LHFPL3: variants seen among roughly 807,000 people sequenced by gnomAD.
The protein encoded by LHFPL3 is LHFPL tetraspan subfamily member 3 protein.
Under a neutral mutation model 19.3 loss-of-function variants are expected in LHFPL3, and 5 were observed. That is an observed-to-expected ratio of 0.26 (90% CI 0.14 to 0.54). The LOEUF (loss-of-function observed/expected upper bound fraction) is 0.54. Ranked by LOEUF, LHFPL3 falls within the 20% of genes least tolerant of loss-of-function variation. The probability of loss-of-function intolerance (pLI) is 0.94; values close to 1 mark genes in which losing one functional copy is unlikely to be tolerated. For synonymous variants in LHFPL3, 133 were observed against 126.2 expected, an observed-to-expected ratio of 1.05 and a Z score of -0.36; for missense variants, 249 against 307.4, an observed-to-expected ratio of 0.81 and a Z score of 1.42.
At chr7:104,686,311 T>C (rs372079780) in intron 1 of LHFPL3, among the ~76,000 whole-genome samples, 4 of 151,706 alleles carry the variant, frequency 2.6e-5, no homozygotes, top group East Asian at 1.9e-4. Flanking sequence ...CCATGGGGAG[T>C]ACAGGTGAAA....
intron 1 of LHFPL3, among the ~76,000 whole-genome samples, chr7:104,502,555 G>GA (rs1444932926): frequency 6.6e-6 from 1 of 152,100 alleles, no homozygotes. Context: ...TCCCATTCTC[G>GA]AGCTACATGA....
Position 104,486,713 on chromosome 7 carries a change from G to C in LHFPL3, c.445+157489G>C, listed in dbSNP as rs150599837. ...TTTCTTAAAAAATGAACAAACTTTT[G>C]ATATTATTAGTTCTACTATTTTAAT... On this transcript the variant is annotated intron_variant, in intron 1 of 2. Transcript: ENST00000424859. Among the ~76,000 whole-genome samples the C allele has an allele frequency of 1.7e-3, 257 of 152,198 alleles. 2 individuals carry two copies. In the East Asian group the frequency reaches 0.028, roughly 17 times the overall value.
chr7:104,707,600 C>T (rs1793215871), intron 1 of LHFPL3, among the ~76,000 whole-genome samples: 1 of 152,172 alleles, frequency 6.6e-6, no homozygotes, highest in Admixed American at 6.5e-5. Context: ...TATTCTCTCC[C>T]TCTGACACGT....
At chr7:104,673,182 C>A (rs2116051304) in intron 1 of LHFPL3, among the ~76,000 whole-genome samples, 1 of 152,214 alleles carries the variant, frequency 6.6e-6, no homozygotes, top group East Asian at 1.9e-4. Context: ...CAAACTAAAT[C>A]AGAATTTGAT....
At chr7:104,602,166 G>A (rs60084109) in intron 1 of LHFPL3, among the ~76,000 whole-genome samples, 1,688 of 151,392 alleles carry the variant, frequency 0.011, 41 homozygotes, top group African/African-American at 0.039. Context: ...GATTACAGGC[G>A]TGCACCACCA....
intron 1 of LHFPL3, among the ~76,000 whole-genome samples, chr7:104,397,477 G>A (rs957815598): frequency 2.6e-5 from 4 of 152,104 alleles, no homozygotes; most frequent in African/African-American, 9.7e-5. Flanking sequence ...GGGGATTCAT[G>A]GTTCATCGTT....
intron 1 of LHFPL3, among the ~76,000 whole-genome samples, chr7:104,505,023 G>A (rs1301590895): frequency 6.6e-6 from 1 of 152,050 alleles, no homozygotes; most frequent in Admixed American, 6.5e-5. Context: ...CATATACTGT[G>A]TATACACATA....
chr7:104,630,866 C>T (rs1001883923), intron 1 of LHFPL3, among the ~76,000 whole-genome samples: 2 of 152,156 alleles, frequency 1.3e-5, no homozygotes, highest in Non-Finnish European at 2.9e-5. Context: ...CCTTAGGGCT[C>T]AGTTTGAGTG....
chr7:104,710,327 G>T (rs895167374), intron 1 of LHFPL3, among the ~76,000 whole-genome samples: 1 of 152,210 alleles, frequency 6.6e-6, no homozygotes, highest in African/African-American at 2.4e-5. Flanking sequence ...TGGTGAGTCT[G>T]ATTTTTGCAT....
chr7:104,519,645 A>C (rs1344105965), intron 1 of LHFPL3, among the ~76,000 whole-genome samples: 1 of 152,078 alleles, frequency 6.6e-6, no homozygotes, highest in Admixed American at 6.6e-5. Context: ...TGAAGAAAAC[A>C]TTTTTATTCT....
intron 1 of LHFPL3, among the ~76,000 whole-genome samples, chr7:104,510,996 C>T (rs1375538034): frequency 6.6e-6 from 1 of 151,962 alleles, no homozygotes; most frequent in Admixed American, 6.6e-5. Flanking sequence ...CAACAAACCC[C>T]CATGACACAA....
chr7:104,500,387 A>G (rs924171729), intron 1 of LHFPL3, among the ~76,000 whole-genome samples: 8 of 152,236 alleles, frequency 5.3e-5, no homozygotes, highest in African/African-American at 1.9e-4. Flanking sequence ...GCTTACTAAA[A>G]TTTGCTTTAT....
intron 1 of LHFPL3, among the ~76,000 whole-genome samples, chr7:104,412,109 A>C (rs1791544826): frequency 6.7e-6 from 1 of 149,820 alleles, no homozygotes; most frequent in African/African-American, 2.6e-5. Flanking sequence ...TGTGGGATTC[A>C]ATAAGATCTT....
chr7:104,548,692 G>C (rs954491803), intron 1 of LHFPL3, among the ~76,000 whole-genome samples: 2 of 152,188 alleles, frequency 1.3e-5, no homozygotes, highest in Non-Finnish European at 1.5e-5. Context: ...GGATTTGTTA[G>C]CCAGCCCAGG....
At chr7:104,521,304 T>A (rs1332734920) in intron 1 of LHFPL3, among the ~76,000 whole-genome samples, 1 of 152,186 alleles carries the variant, frequency 6.6e-6, no homozygotes, top group African/African-American at 2.4e-5. Context: ...TGCACTGTGG[T>A]CTGAGAGATA....
chr7:104,390,099 C>G (rs1462060656), intron 1 of LHFPL3, among the ~76,000 whole-genome samples: 1 of 151,178 alleles, frequency 6.6e-6, no homozygotes, highest in Non-Finnish European at 1.5e-5. Flanking sequence ...GAGAAAATAT[C>G]ATATATCTGT....
rs748673063 is a variant in LHFPL3 at position 104,328,791 on chromosome 7, CGCCGCCGCT to C, written c.21_29del (p.Ala12_Ala14del). ...GGAGGAGGGGGAGAATGCCCGGAGC[CGCCGCCGCT>C]GCCGCCGCCGCCGCCGCCGCGATGC... is the stretch of plus-strand genomic sequence containing the variant. On this transcript the variant is annotated inframe_deletion, in exon 1 of 3. Transcript: ENST00000424859. This position sits in a 1 kb window ranked among gnomAD's most constrained non-coding sequence, Gnocchi z 4.6. The C allele has an allele frequency of 2.9e-5, 46 of 1,594,916 alleles. No individual in the cohort carries two copies. The highest frequency in any genetic ancestry group is 4.6e-5 in the East Asian group (2 of 43,796).
intron 2 of LHFPL3, among the ~76,000 whole-genome samples, chr7:104,872,722 G>C (rs1255140364): frequency 6.6e-6 from 1 of 151,882 alleles, no homozygotes; most frequent in Non-Finnish European, 1.5e-5. Flanking sequence ...GGTCCCACTG[G>C]AAGGTCCTTG....
At chr7:104,430,418 A>G (rs1426183704) in intron 1 of LHFPL3, among the ~76,000 whole-genome samples, 16 of 17,520 alleles carry the variant, frequency 9.1e-4, no homozygotes, top group South Asian at 2.4e-3. Context: ...ATATATATAT[A>G]CATATATATA....
Sources: allele counts gnomAD v4.1 joint callset (sites outside exome capture counted in the v4.1 genomes callset), GRCh38; gene constraint gnomAD v4.1.1; non-coding constraint Gnocchi (gnomAD v3.1); transcripts MANE v1.5; gene names NCBI Gene and HGNC (gene_info 2026-07-23, HGNC 2026-07-21).